Variants in KCNIP4 observed in about 807,000 individuals in gnomAD.
KCNIP4 encodes Kv channel-interacting protein 4.
Under a neutral mutation model 34.0 loss-of-function variants are expected in KCNIP4, and 12 were observed. The ratio of observed to expected loss-of-function variants is 0.35; its 90% CI spans 0.23 to 0.57. The LOEUF (loss-of-function observed/expected upper bound fraction) is 0.57, where lower values mean the gene tolerates loss of function less well. KCNIP4 is among the 20% of genes least tolerant of loss of function. The pLI, the probability that KCNIP4 is intolerant of heterozygous loss-of-function variation, is 0.83. For synonymous variants in KCNIP4, 124 were observed against 102.2 expected (o/e 1.21, Z -1.29); for missense variants, 238 against 311.7 (o/e 0.76, Z 1.78).
At chr4:21,099,055 T>G (rs756225912) in intron 1 of KCNIP4, among the ~76,000 whole-genome samples, 14 of 152,176 alleles carry the variant, frequency 9.2e-5, no homozygotes, top group Non-Finnish European at 1.8e-4. Context: ...TGGAAGACAG[T>G]GTGGTAAATC....
At chr4:21,708,389 T>C (rs1713459206) in intron 1 of KCNIP4, among the ~76,000 whole-genome samples, 1 of 152,154 alleles carries the variant, frequency 6.6e-6, no homozygotes, top group African/African-American at 2.4e-5. Context: ...CCGCCTCCAA[T>C]ATATAGACAG....
chr4:20,817,085 G>T (rs1716489981), intron 3 of KCNIP4, among the ~76,000 whole-genome samples: 1 of 152,046 alleles, frequency 6.6e-6, no homozygotes, highest in Non-Finnish European at 1.5e-5. Flanking sequence ...GAATCTTTCT[G>T]CTGAGAAAAT....
chr4:21,397,939 T>C (rs1723145745), intron 1 of KCNIP4, among the ~76,000 whole-genome samples: 1 of 152,190 alleles, frequency 6.6e-6, no homozygotes, highest in Non-Finnish European at 1.5e-5. Context: ...CGTCAGCTCT[T>C]ACTTAAGCAA....
intron 1 of KCNIP4, among the ~76,000 whole-genome samples, chr4:21,540,974 C>A (rs371332069): frequency 6.6e-6 from 1 of 151,936 alleles, no homozygotes; most frequent in East Asian, 1.9e-4. Context: ...GGTTTGAGAC[C>A]AGCCTGTCCA....
intron 1 of KCNIP4, among the ~76,000 whole-genome samples, chr4:20,948,769 T>A (rs906837190): frequency 1.3e-5 from 2 of 152,210 alleles, no homozygotes; most frequent in African/African-American, 4.8e-5. Context: ...TGTTTTCTCC[T>A]ATTATTAAAA....
intron 1 of KCNIP4, among the ~76,000 whole-genome samples, chr4:21,087,972 T>TTC (rs1167797061): frequency 1.3e-5 from 2 of 152,196 alleles, no homozygotes; most frequent in Non-Finnish European, 2.9e-5. Flanking sequence ...TTTTTTCCAA[T>TTC]TCTATGGCTT....
Position 21,346,080 on chromosome 4 carries a change from T to TATATATATATATATATTATATAAAACAA in KCNIP4, c.62-463372_62-463371insTTGTTTTATATAATATATATATATATAT, listed in dbSNP as rs1461577641. 8.6e-5 allele frequency among the ~76,000 whole-genome samples: 11 copies of TATATATATATATATATTATATAAAACAA among 127,242 alleles called. No individual in the cohort carries two copies. The East Asian group carries it at 9.0e-4, about 10-fold the overall frequency. 83.5% of individuals were successfully genotyped at this position (127,242 alleles called of 152,430 possible). ...AACTCGGGCAGTGTAATATATATAT[T>TATATATATATATATATTATATAAAACAA]TAAGATATTTAAGATATCTTAAATA... is the stretch of plus-strand genomic sequence containing the variant. On this transcript the variant is annotated intron_variant, in intron 1 of 8. Coordinates refer to ENST00000382152, the MANE Select transcript of KCNIP4 (RefSeq NM_025221.6).
At chr4:21,523,119 G>T (rs892661061) in intron 1 of KCNIP4, among the ~76,000 whole-genome samples, 8 of 152,064 alleles carry the variant, frequency 5.3e-5, no homozygotes, top group African/African-American at 1.9e-4. Flanking sequence ...AAGAAGATTG[G>T]TCCTCATTGG....
intron 1 of KCNIP4, among the ~76,000 whole-genome samples, chr4:21,870,091 G>A (rs539691070): frequency 3.4e-4 from 51 of 152,234 alleles, no homozygotes; most frequent in African/African-American, 1.2e-3. Context: ...TGTTCCCTTT[G>A]TAAGAAGCCC....
chr4:21,341,754 G>T (rs16870875), intron 1 of KCNIP4, among the ~76,000 whole-genome samples: 7,498 of 152,148 alleles, frequency 0.049, 352 homozygotes, highest in East Asian at 0.19. Flanking sequence ...CTTTGGCAAA[G>T]TTTTGGTGGG....
At chr4:21,614,678 T>C (rs1299532280) in intron 1 of KCNIP4, among the ~76,000 whole-genome samples, 2 of 150,824 alleles carry the variant, frequency 1.3e-5, no homozygotes, top group Admixed American at 6.6e-5. Flanking sequence ...TAAGCTTATA[T>C]AGATAAATTC....
chr4:21,723,015 ACTGT>A (rs1714931604), intron 1 of KCNIP4, among the ~76,000 whole-genome samples: 1 of 152,160 alleles, frequency 6.6e-6, no homozygotes, highest in Admixed American at 6.6e-5. Context: ...AAGGATTCTC[ACTGT>A]CTATCTACCT....
At chr4:21,183,709 G>C (rs1755015292) in intron 1 of KCNIP4, among the ~76,000 whole-genome samples, 1 of 151,696 alleles carries the variant, frequency 6.6e-6, no homozygotes, top group East Asian at 1.9e-4. Context: ...CCCCATTCTT[G>C]TTCCCTGATT....
intron 1 of KCNIP4, among the ~76,000 whole-genome samples, chr4:21,897,126 T>C (rs1289716956): frequency 6.6e-6 from 1 of 152,100 alleles, no homozygotes; most frequent in Non-Finnish European, 1.5e-5. Flanking sequence ...AAATTTATGC[T>C]TTACTTTTAC....
chr4:21,247,354 G>A (rs1760283354), intron 1 of KCNIP4, among the ~76,000 whole-genome samples: 1 of 151,820 alleles, frequency 6.6e-6, no homozygotes, highest in African/African-American at 2.4e-5. Context: ...GTGATTTTGT[G>A]AACCAGAAAT....
intron 1 of KCNIP4, among the ~76,000 whole-genome samples, chr4:21,239,816 T>C (rs377091673): frequency 0.021 from 3,155 of 151,630 alleles, 52 homozygotes; most frequent in Non-Finnish European, 0.03. Flanking sequence ...GACAGTGTGG[T>C]GATTCCTCAG....
intron 1 of KCNIP4, among the ~76,000 whole-genome samples, chr4:21,459,142 A>G (rs983070062): frequency 6.6e-6 from 1 of 152,008 alleles, no homozygotes; most frequent in Non-Finnish European, 1.5e-5. Context: ...AAGAGTTTCT[A>G]TGGCCACTCT....
At chr4:21,436,711 C>T (rs1726971503) in intron 1 of KCNIP4, among the ~76,000 whole-genome samples, 1 of 152,278 alleles carries the variant, frequency 6.6e-6, no homozygotes, top group East Asian at 1.9e-4. Context: ...CTACTGAGAT[C>T]GCCCTGAAGA....
intron 1 of KCNIP4, among the ~76,000 whole-genome samples, chr4:21,319,916 G>A (rs1228376548): frequency 6.6e-6 from 1 of 152,152 alleles, no homozygotes; most frequent in Non-Finnish European, 1.5e-5. Flanking sequence ...GGATAGAACT[G>A]GTGAGTGTTT....
Sources: allele counts gnomAD v4.1 joint callset (sites outside exome capture counted in the v4.1 genomes callset), GRCh38; gene constraint gnomAD v4.1.1; transcripts MANE v1.5; gene names NCBI Gene and HGNC (gene_info 2026-07-23, HGNC 2026-07-21).